The following FILIP1L variants were observed in gnomAD, a reference collection of about 807,000 sequenced individuals.
FILIP1L encodes filamin A interacting protein 1 like.
A neutral mutation model predicts 96.6 loss-of-function variants in FILIP1L; 55 were observed. The observed-to-expected ratio is 0.57, with a 90% CI of 0.46 to 0.71. The LOEUF (loss-of-function observed/expected upper bound fraction) is 0.71. FILIP1L is among the 30% of genes least tolerant of loss of function. The pLI, the probability that FILIP1L is intolerant of heterozygous loss-of-function variation, is 0.00. For synonymous variants in FILIP1L, 467 were observed against 473.9 expected (o/e 0.99, Z 0.19); for missense variants, 1,304 against 1,321.2 (o/e 0.99, Z 0.20).
At chr3:100,002,950 G>C (rs1175502868) in intron 1 of FILIP1L, among the ~76,000 whole-genome samples, 5 of 152,168 alleles carry the variant, frequency 3.3e-5, no homozygotes, top group Non-Finnish European at 5.9e-5. Context: ...ATTCTTGCTG[G>C]GTTGCATCAG....
chr3:99,984,479 A>G (rs1223996168), intron 1 of FILIP1L, among the ~76,000 whole-genome samples: 1 of 152,208 alleles, frequency 6.6e-6, no homozygotes, highest in African/African-American at 2.4e-5. Context: ...GTGAAATTCT[A>G]TCATTTGCAT....
At chr3:99,867,815 T>C (rs1944595619) in intron 4 of FILIP1L, among the ~76,000 whole-genome samples, 1 of 152,180 alleles carries the variant, frequency 6.6e-6, no homozygotes, top group Non-Finnish European at 1.5e-5. Context: ...TTCAAAAGAA[T>C]GGAAAACCGT....
chr3:100,103,900 T>G (rs1409862133), intron 1 of FILIP1L, among the ~76,000 whole-genome samples: 3 of 152,298 alleles, frequency 2.0e-5, no homozygotes, highest in South Asian at 4.1e-4. Flanking sequence ...AATATCAACC[T>G]TATTAATAAG....
At chr3:100,063,323 C>T (rs532958143) in intron 1 of FILIP1L, among the ~76,000 whole-genome samples, 19 of 152,190 alleles carry the variant, frequency 1.2e-4, no homozygotes, top group Non-Finnish European at 2.1e-4. Flanking sequence ...GTTCCACACT[C>T]AGTATTATAA....
chr3:99,987,091 G>A (rs1020246483), intron 1 of FILIP1L, among the ~76,000 whole-genome samples: 1 of 151,968 alleles, frequency 6.6e-6, no homozygotes, highest in African/African-American at 2.4e-5. Context: ...TTAGCCAACC[G>A]TGGTGGCATG....
chr3:99,892,475 A>G (rs1012979895), intron 4 of FILIP1L, among the ~76,000 whole-genome samples: 1 of 152,234 alleles, frequency 6.6e-6, no homozygotes, highest in Non-Finnish European at 1.5e-5. Context: ...ATGTCACCAC[A>G]CAACAAAAAA....
At chr3:100,004,537 C>T (rs1042774978) in intron 1 of FILIP1L, among the ~76,000 whole-genome samples, 35 of 152,210 alleles carry the variant, frequency 2.3e-4, no homozygotes, top group Admixed American at 1.6e-3. Flanking sequence ...TTGCAGGTGA[C>T]GTTTGAAAGA....
intron 4 of FILIP1L, among the ~76,000 whole-genome samples, chr3:99,899,612 T>C (rs1420951758): frequency 6.6e-6 from 1 of 152,234 alleles, no homozygotes; most frequent in Admixed American, 6.5e-5. Context: ...AAACTATTTC[T>C]AGGACAAAGT....
At chr3:99,979,937 G>GTTTATACTTT (rs1559712028) in intron 1 of FILIP1L, among the ~76,000 whole-genome samples, 1 of 152,310 alleles carries the variant, frequency 6.6e-6, no homozygotes, top group East Asian at 1.9e-4. Context: ...GAACTAATTT[G>GTTTATACTTT]TGGTTAAGGA....
intron 4 of FILIP1L, chr3:99,876,235 G>C (rs1410604622): frequency 1.0e-6 from 1 of 984,898 alleles, no homozygotes; most frequent in African/African-American, 1.7e-5. Context: ...CTTATAAGGC[G>C]CTCCGCGTGT....
At chr3:99,988,117 A>G (rs796949402) in intron 1 of FILIP1L, among the ~76,000 whole-genome samples, 24 of 152,214 alleles carry the variant, frequency 1.6e-4, no homozygotes, top group Admixed American at 4.6e-4. Context: ...AGTTTCAATA[A>G]CTTTTTTTTC....
At chr3:99,847,974 C>T (rs1168143132) in intron 5 of FILIP1L, 14 of 1,053,524 alleles carry the variant, frequency 1.3e-5, no homozygotes, top group Non-Finnish European at 1.5e-5. Context: ...AAGTATTTCA[C>T]CAAGACAAGT....
intron 1 of FILIP1L, among the ~76,000 whole-genome samples, chr3:99,932,395 A>G (rs751993978): frequency 7.3e-5 from 11 of 151,586 alleles, no homozygotes; most frequent in Non-Finnish European, 1.0e-4. Flanking sequence ...TCCTTGTTCT[A>G]TTTTACTGTA....
chr3:99,862,793 T>C (rs184379469), intron 4 of FILIP1L, among the ~76,000 whole-genome samples: 1 of 152,320 alleles, frequency 6.6e-6, no homozygotes, highest in African/African-American at 2.4e-5. Flanking sequence ...CTCAAATGTA[T>C]TTGGGATCAG....
At chr3:99,969,884 A>G (rs1024775904) in intron 1 of FILIP1L, among the ~76,000 whole-genome samples, 2 of 152,234 alleles carry the variant, frequency 1.3e-5, no homozygotes, top group African/African-American at 4.8e-5. Context: ...GTCATGAATA[A>G]GTGTTATGGA....
intron 5 of FILIP1L, among the ~76,000 whole-genome samples, chr3:99,832,082 A>AG (rs1439949459): frequency 6.6e-6 from 1 of 152,160 alleles, no homozygotes; most frequent in Non-Finnish European, 1.5e-5. Context: ...AGCTGCCTGA[A>AG]GGTTACTGGG....
chr3:100,005,578 CT>C (rs1709963935), intron 1 of FILIP1L, among the ~76,000 whole-genome samples: 1 of 152,176 alleles, frequency 6.6e-6, no homozygotes, highest in African/African-American at 2.4e-5. Context: ...CAAGAATAAC[CT>C]TTTAACAAAT....
chr3:99,836,682 T>C (rs1942911901), intron 5 of FILIP1L, among the ~76,000 whole-genome samples: 2 of 152,194 alleles, frequency 1.3e-5, no homozygotes, highest in Admixed American at 1.3e-4. Flanking sequence ...ATGATAAGAA[T>C]ATAACTAGTT....
intron 5 of FILIP1L, among the ~76,000 whole-genome samples, chr3:99,842,642 A>G (rs1943189708): frequency 1.3e-5 from 2 of 152,246 alleles, no homozygotes; most frequent in East Asian, 1.9e-4. Context: ...AAATAATAAG[A>G]TAAGTTTTAT....
Sources: gnomAD v4.1 joint callset for allele counts (sites outside exome capture counted in the v4.1 genomes callset) on GRCh38, gnomAD v4.1.1 for gene constraint, MANE v1.5 for transcripts, NCBI Gene and HGNC (gene_info 2026-07-23, HGNC 2026-07-21) for gene names.